The following MIX23 variants were observed in gnomAD, a reference collection of about 807,000 sequenced individuals.
The protein encoded by MIX23 is mitochondrial matrix import factor 23.
MIX23 carries 13 observed loss-of-function variants against 21.6 expected under a neutral mutation model. The ratio of observed to expected loss-of-function variants is 0.60; its 90% CI spans 0.39 to 0.96. The LOEUF is 0.96. MIX23 is among the 40% of genes least tolerant of loss of function. The probability of loss-of-function intolerance (pLI) is 0.00; values close to 1 mark genes in which losing one functional copy is unlikely to be tolerated. For synonymous variants in MIX23, 59 were observed against 58.0 expected (o/e 1.02, Z -0.08); for missense variants, 144 against 171.2 (o/e 0.84, Z 0.89).
chr3:122,361,389 G>T (rs989694268), intron 4 of MIX23, among the ~76,000 whole-genome samples: 3 of 152,054 alleles, frequency 2.0e-5, no homozygotes, highest in Non-Finnish European at 4.4e-5. Flanking sequence ...CAGTTTAGTG[G>T]CCTTGACACA....
chr3:122,380,799 T>G (rs1178469849), intron 1 of MIX23, among the ~76,000 whole-genome samples: 1 of 152,036 alleles, frequency 6.6e-6, no homozygotes, highest in Non-Finnish European at 1.5e-5. Context: ...GGGAATATAG[T>G]AGAGAAAAAA....
Position 122,359,830 on chromosome 3 carries a change from TAAAAAAAAAAAAAAAA to T in MIX23, c.*23_*38del, listed in dbSNP as rs527562300. 2.8e-5 allele frequency: 28 copies of T among 1,005,462 alleles called. No homozygotes were observed. In the African/African-American group the frequency reaches 3.6e-4, roughly 13 times the overall value. 62.3% of individuals were successfully genotyped at this position (1,005,462 alleles called of 1,614,324 possible). A position where few individuals can be genotyped will look rare whatever the true frequency, so the allele number is the denominator to read the frequency against. On this transcript the variant is annotated 3_prime_UTR_variant, in exon 5 of 5. Transcript: ENST00000291458. ...AGCTCTTATGAGATGACCCAGTCCT[TAAAAAAAAAAAAAAAA>T]AAAAAAAAAAAAGAATCTCTCTTTA...
rs564608916 is a variant in MIX23 at position 122,371,717 on chromosome 3, C to G, written c.135G>C (p.Gly45=). The part of the protein sequence containing the change: ...NTTVPTASFA[G]KIDASQTCKQ... The stretch of plus-strand genomic sequence containing the variant: ...TACAGGTTTGGCTGGCATCAATTTT[C>G]CCTGCAAAGGAAGCTGTTGGAACCG... The change falls in exon 2 of 5, where the codon GGG becomes GGC. Residue 45 remains glycine, a synonymous_variant. Coordinates refer to ENST00000291458, the MANE Select transcript of MIX23 (RefSeq NM_001017928.4). 6.2e-7 allele frequency: 1 copy of G among 1,612,590 alleles called. No homozygotes were observed. Among genetic ancestry groups the G allele is most frequent in the East Asian group, 2.2e-5 (1 of 44,854 alleles).
chr3:122,371,558 T>C (rs1282407616), intron 2 of MIX23, 117 bp downstream of exon 2: 3 of 1,166,794 alleles, frequency 2.6e-6, no homozygotes, highest in East Asian at 2.4e-5. Context: ...CCATCAGGTA[T>C]AGGCAAAGAA....
chr3:122,369,447 A>G (rs962892501), intron 2 of MIX23, among the ~76,000 whole-genome samples: 3 of 152,230 alleles, frequency 2.0e-5, no homozygotes, highest in Non-Finnish European at 2.9e-5. Flanking sequence ...GATATTTCAT[A>G]GAGTTCTGCT....
At chr3:122,366,944 C>CA (rs61041036) in intron 3 of MIX23, among the ~76,000 whole-genome samples, 94 of 148,666 alleles carry the variant, frequency 6.3e-4, no homozygotes, top group African/African-American at 2.0e-3. Flanking sequence ...TCTCAAAAAA[C>CA]AAAAAAAAAA....
At chr3:122,365,936 G>A (rs951889852) in intron 3 of MIX23, among the ~76,000 whole-genome samples, 2 of 152,050 alleles carry the variant, frequency 1.3e-5, no homozygotes, top group Admixed American at 6.6e-5. Context: ...AGCACTTTGG[G>A]AAGCTGAGAC....
chr3:122,378,219 G>A (rs1444555058), intron 1 of MIX23, among the ~76,000 whole-genome samples: 3 of 152,206 alleles, frequency 2.0e-5, no homozygotes, highest in African/African-American at 4.8e-5. Flanking sequence ...AGATTACATC[G>A]TTTGACATTT....
chr3:122,381,406 C>G (rs970117283), intron 1 of MIX23, among the ~76,000 whole-genome samples: 5 of 152,040 alleles, frequency 3.3e-5, no homozygotes, highest in Admixed American at 2.6e-4. Flanking sequence ...GGCCCTAATC[C>G]GATAGAACTG....
chr3:122,371,432 C>T (rs1277893880), intron 2 of MIX23, among the ~76,000 whole-genome samples: 1 of 152,232 alleles, frequency 6.6e-6, no homozygotes, highest in Non-Finnish European at 1.5e-5. Flanking sequence ...TTAAAGGCTA[C>T]AAAACAACTG....
At chr3:122,364,256 T>C (rs1267662945) in intron 3 of MIX23, among the ~76,000 whole-genome samples, 2 of 152,202 alleles carry the variant, frequency 1.3e-5, no homozygotes, top group African/African-American at 4.8e-5. Context: ...TGGCTAGAAC[T>C]GTGGAACAAG....
At chr3:122,373,956 C>T (rs2075462850) in intron 1 of MIX23, among the ~76,000 whole-genome samples, 1 of 151,896 alleles carries the variant, frequency 6.6e-6, no homozygotes, top group South Asian at 2.1e-4. Flanking sequence ...TGGGCAACCA[C>T]CACACATAGT....
intron 1 of MIX23, among the ~76,000 whole-genome samples, chr3:122,378,131 CTTAGA>C (rs1433841281): frequency 1.3e-5 from 2 of 152,092 alleles, no homozygotes; most frequent in Non-Finnish European, 2.9e-5. Context: ...AAAATGACTG[CTTAGA>C]TTAAAGTGGA....
At chr3:122,366,841 T>A (rs997796179) in intron 3 of MIX23, 1 of 152,168 alleles carries the variant, frequency 6.6e-6, no homozygotes, top group South Asian at 2.1e-4. Flanking sequence ...CTGGGGAGGC[T>A]GAGGCAGGAT....
chr3:122,382,363 C>G (rs1415520570), intron 1 of MIX23, among the ~76,000 whole-genome samples: 1 of 152,180 alleles, frequency 6.6e-6, no homozygotes, highest in African/African-American at 2.4e-5. Context: ...TACAGGGAGG[C>G]TGAGGCAGTA....
At chr3:122,381,728 T>TAA (rs55955834) in intron 1 of MIX23, among the ~76,000 whole-genome samples, 25 of 130,336 alleles carry the variant, frequency 1.9e-4, no homozygotes, top group African/African-American at 6.3e-4. Context: ...AAAAAAAAAA[T>TAA]AAAAAAAAAA....
At chr3:122,370,873 G>A (rs1426588158) in intron 2 of MIX23, among the ~76,000 whole-genome samples, 1 of 152,122 alleles carries the variant, frequency 6.6e-6, no homozygotes, top group African/African-American at 2.4e-5. Flanking sequence ...CTTTAACACA[G>A]AACAAAAATA....
chr3:122,373,022 T>C (rs926163593), intron 1 of MIX23: 11 of 415,162 alleles, frequency 2.6e-5, no homozygotes, highest in Non-Finnish European at 4.8e-5. Flanking sequence ...CCAACTCCTT[T>C]CTTTCCTCGT....
At chr3:122,374,681 G>T (rs1439296055) in intron 1 of MIX23, among the ~76,000 whole-genome samples, 2 of 152,092 alleles carry the variant, frequency 1.3e-5, no homozygotes, top group African/African-American at 4.8e-5. Flanking sequence ...CCTATGTCTA[G>T]CATGTGTCAG....
Sources: allele counts gnomAD v4.1 joint callset (sites outside exome capture counted in the v4.1 genomes callset), GRCh38; gene constraint gnomAD v4.1.1; transcripts MANE v1.5; gene names NCBI Gene and HGNC (gene_info 2026-07-23, HGNC 2026-07-21).